The following RAPGEF5 variants were observed in gnomAD, a reference collection of about 807,000 sequenced individuals.
RAPGEF5 encodes Rap guanine nucleotide exchange factor 5, also known as M-Ras-regulated GEF.
Under a neutral mutation model 125.2 loss-of-function variants are expected in RAPGEF5, and 65 were observed. The ratio of observed to expected loss-of-function variants is 0.52; its 90% CI spans 0.43 to 0.64. RAPGEF5 has a LOEUF of 0.64. RAPGEF5 is among the 30% of genes least tolerant of loss of function. The probability of loss-of-function intolerance (pLI) is 0.00; values close to 1 mark genes in which losing one functional copy is unlikely to be tolerated. For synonymous variants in RAPGEF5, 391 were observed against 385.9 expected, an observed-to-expected ratio of 1.01 and a Z score of -0.16; for missense variants, 958 against 1,048.1, an observed-to-expected ratio of 0.91 and a Z score of 1.19.
intron 1 of RAPGEF5, among the ~76,000 whole-genome samples, chr7:22,337,139 G>C (rs1162801250): frequency 6.6e-6 from 1 of 151,602 alleles, no homozygotes; most frequent in Non-Finnish European, 1.5e-5. Context: ...ACTCAAACCA[G>C]CCTCCCTGAA....
chr7:22,191,882 T>G (rs1043756532), intron 11 of RAPGEF5, among the ~76,000 whole-genome samples: 1 of 152,230 alleles, frequency 6.6e-6, no homozygotes, highest in Non-Finnish European at 1.5e-5. Context: ...ATTTCCCTGC[T>G]TACTAATGTG....
At chr7:22,198,296 T>C (rs1785200190) in intron 9 of RAPGEF5, among the ~76,000 whole-genome samples, 1 of 152,206 alleles carries the variant, frequency 6.6e-6, no homozygotes, top group African/African-American at 2.4e-5. Flanking sequence ...CACAGGGCAC[T>C]GGCCTGCCCT....
At chr7:22,209,539 T>C (rs1562762668) in intron 9 of RAPGEF5, among the ~76,000 whole-genome samples, 2 of 152,210 alleles carry the variant, frequency 1.3e-5, no homozygotes, top group African/African-American at 2.4e-5. Context: ...TTTAGAGTTA[T>C]ACCTGAGTGT....
chr7:22,319,384 G>A (rs74896757), intron 1 of RAPGEF5, among the ~76,000 whole-genome samples: 12,177 of 152,198 alleles, frequency 0.08, 597 homozygotes, highest in Non-Finnish European at 0.11. Context: ...TTCCCATTCT[G>A]CCCCTTCCCC....
At position 22,357,097 on chromosome 7, in the gene RAPGEF5, A is replaced by C; in HGVS notation, c.-37T>G. The C allele has an allele frequency of 4.0e-6, 4 of 993,468 alleles. No individual in the cohort carries two copies. The highest frequency in any genetic ancestry group is 4.8e-6 in the Non-Finnish European group (4 of 828,576). The allele number at this position is 993,468 out of a possible 1,614,324, so 61.5% of individuals were successfully genotyped here. A position where few individuals can be genotyped will look rare whatever the true frequency, so the allele number is the denominator to read the frequency against. ...GCTGCGGCGCCGGGGGCTCCTCTCC[A>C]CCGCGCTCGCCTCCGCGCGCCGTCC... On this transcript the variant is annotated 5_prime_UTR_variant, in exon 1 of 26. Transcript: ENST00000665637.
chr7:22,292,717 C>T (rs1327958827), intron 5 of RAPGEF5, among the ~76,000 whole-genome samples: 1 of 152,200 alleles, frequency 6.6e-6, no homozygotes, highest in Non-Finnish European at 1.5e-5. Flanking sequence ...ACCAAAGGCA[C>T]TAGAGGCAAG....
intron 7 of RAPGEF5, among the ~76,000 whole-genome samples, chr7:22,245,311 T>C (rs949672349): frequency 5.9e-5 from 9 of 152,216 alleles, no homozygotes; most frequent in African/African-American, 2.2e-4. Context: ...AGCTTCTTAG[T>C]TTGATGTAAT....
chr7:22,151,899 G>A (rs1783642602), intron 17 of RAPGEF5, among the ~76,000 whole-genome samples: 1 of 152,108 alleles, frequency 6.6e-6, no homozygotes, highest in South Asian at 2.1e-4. Flanking sequence ...GTTGCAAATT[G>A]TTCCTATCCT....
intron 1 of RAPGEF5, among the ~76,000 whole-genome samples, chr7:22,355,723 G>A (rs921993838): frequency 3.9e-5 from 6 of 152,158 alleles, no homozygotes; most frequent in Non-Finnish European, 7.3e-5. Flanking sequence ...GCCTCGAGAA[G>A]CTGAAGACCG....
chr7:22,202,263 T>C (rs1045617208), intron 9 of RAPGEF5, among the ~76,000 whole-genome samples: 3 of 152,166 alleles, frequency 2.0e-5, no homozygotes, highest in Non-Finnish European at 2.9e-5. Context: ...CCAGGGTCTT[T>C]GGAGCCAGTT....
At position 22,294,581 on chromosome 7, in the gene RAPGEF5, C is replaced by T. The variant is rs1429273848; in HGVS notation, c.681-3340G>A. ...TACCCAAAAGGAAAATAACAAAAAG[C>T]CCTGCCCTTCCTATAGTCTTCCTCA... On this transcript the variant is annotated intron_variant, in intron 5 of 25. Coordinates refer to ENST00000665637, the MANE Select transcript of RAPGEF5 (RefSeq NM_012294.5). 2.0e-5 allele frequency among the ~76,000 whole-genome samples: 3 copies of T among 152,176 alleles called. No homozygotes were observed. In the East Asian group the frequency reaches 5.8e-4, roughly 29 times the overall value.
intron 1 of RAPGEF5, among the ~76,000 whole-genome samples, chr7:22,338,698 C>T (rs1013436486): frequency 1.3e-5 from 2 of 152,166 alleles, no homozygotes; most frequent in African/African-American, 4.8e-5. Flanking sequence ...GCAAAAGTCA[C>T]CTTGGCCAGA....
intron 7 of RAPGEF5, among the ~76,000 whole-genome samples, chr7:22,258,286 G>A (rs1258608324): frequency 1.3e-5 from 2 of 152,118 alleles, no homozygotes; most frequent in Non-Finnish European, 2.9e-5. Context: ...AATACTTAAC[G>A]TAAAGGTACA....
chr7:22,212,787 G>A (rs1015890740), intron 9 of RAPGEF5, among the ~76,000 whole-genome samples: 2 of 152,286 alleles, frequency 1.3e-5, no homozygotes, highest in African/African-American at 4.8e-5. Flanking sequence ...GGCCTTGATG[G>A]GGGTAGAGAA....
intron 7 of RAPGEF5, among the ~76,000 whole-genome samples, chr7:22,234,070 A>C (rs1786125869): frequency 6.6e-6 from 1 of 152,192 alleles, no homozygotes; most frequent in South Asian, 2.1e-4. Context: ...AATAGGAAAA[A>C]TTATAATTCC....
chr7:22,142,766 C>T (rs185446981), intron 20 of RAPGEF5, among the ~76,000 whole-genome samples: 64 of 152,278 alleles, frequency 4.2e-4, no homozygotes, highest in Admixed American at 2.1e-3. Context: ...CCACTCAATC[C>T]ACAGAGGTGG....
At chr7:22,169,156 C>G (rs1651445716) in intron 11 of RAPGEF5, among the ~76,000 whole-genome samples, 1 of 152,096 alleles carries the variant, frequency 6.6e-6, no homozygotes, top group African/African-American at 2.4e-5. Flanking sequence ...CGTGCCTGAT[C>G]CAACAATGTC....
chr7:22,146,283 A>G (rs774961259), intron 19 of RAPGEF5, among the ~76,000 whole-genome samples: 10 of 152,212 alleles, frequency 6.6e-5, no homozygotes, highest in African/African-American at 7.2e-5. Flanking sequence ...AACATTTTTC[A>G]TCTCTTGATT....
At chr7:22,194,866 G>A in intron 9 of RAPGEF5, 1 of 648,096 alleles carries the variant, frequency 1.5e-6, no homozygotes, top group Non-Finnish European at 1.9e-6. Context: ...CCAGCAGGGT[G>A]GCCTCCAACT....
Sources: allele counts gnomAD v4.1 joint callset (sites outside exome capture counted in the v4.1 genomes callset), GRCh38; gene constraint gnomAD v4.1.1; transcripts MANE v1.5; gene names NCBI Gene and HGNC (gene_info 2026-07-23, HGNC 2026-07-21).